ANGEL1: variants seen among roughly 807,000 people sequenced by gnomAD.
ANGEL1 encodes RNA 2',3'-cyclic phosphatase ANGEL1.
ANGEL1 carries 62 observed loss-of-function variants against 76.4 expected under a neutral mutation model. That is an observed-to-expected ratio of 0.81 (90% CI 0.66 to 1.00). The LOEUF is 1.00. Among genes scored for constraint, ANGEL1 ranks in the 50% least tolerant of loss-of-function variants. The pLI is 0.00. For missense variants in ANGEL1, 737 were observed against 836.7 expected, an observed-to-expected ratio of 0.88 and a Z score of 1.47; for synonymous variants, 340 against 331.7, an observed-to-expected ratio of 1.03 and a Z score of -0.27.
At position 76,809,170 on chromosome 14, in the gene ANGEL1, C is replaced by T. The variant is rs202061310; in HGVS notation, c.538G>A (p.Val180Met). 8.7e-6 allele frequency: 14 copies of T among 1,613,962 alleles called. No homozygotes were observed. The highest frequency in any genetic ancestry group is 3.4e-6 in the Non-Finnish European group (4 of 1,179,982). ...ATEQWEEDPA[V>M]LAWSIAPEPV... is the part of the protein sequence containing the mutation. ...TCAGGTGCTATGCTCCAGGCCAACA[C>T]CGCTGGGTCCTCTTCCCACTGCTCT... Residue 180 changes from valine (V) to methionine (M), a missense_variant, in exon 2 of 10, where the codon GTG becomes ATG. Physicochemically the swap from Val to Met is conservative, Grantham distance 21. Transcript: ENST00000251089.
At chr14:76,794,658 G>A (rs1458005473) in intron 7 of ANGEL1, among the ~76,000 whole-genome samples, 3 of 145,536 alleles carry the variant, frequency 2.1e-5, no homozygotes, top group East Asian at 2.0e-4. Context: ...GCAACGGAGC[G>A]AGACTCCATC....
At chr14:76,805,012 AAAATAAAT>A (rs59478597) in intron 5 of ANGEL1, among the ~76,000 whole-genome samples, 422 of 147,038 alleles carry the variant, frequency 2.9e-3, no homozygotes, top group African/African-American at 6.8e-3. Flanking sequence ...TCTGTCTCAA[AAAATAAAT>A]AAATAAATAA....
At chr14:76,797,718 T>C (rs1894624915) in intron 7 of ANGEL1, among the ~76,000 whole-genome samples, 1 of 152,276 alleles carries the variant, frequency 6.6e-6, no homozygotes, top group Non-Finnish European at 1.5e-5. Context: ...GGTCAGTTTG[T>C]TAACTAGGAG....
At chr14:76,805,255 A>C (rs1894884885) in intron 5 of ANGEL1, among the ~76,000 whole-genome samples, 1 of 152,176 alleles carries the variant, frequency 6.6e-6, no homozygotes, top group Admixed American at 6.5e-5. Flanking sequence ...TAATTTGCTC[A>C]AGGTGGCAGA....
rs757276960 is a variant in ANGEL1 at position 76,809,071 on chromosome 14, T to G, written c.637A>C (p.Ile213Leu). 1 of 1,611,460 alleles carries G rather than the reference T, an allele frequency of 6.2e-7. No homozygotes were observed. Among genetic ancestry groups the G allele is most frequent in the Non-Finnish European group, 8.5e-7 (1 of 1,178,370 alleles). Reference sequence around the variant, plus strand: ...TTGTCAGACTCACCATGATATGGTATTTCCACTGCGGGAGGCTGCAACTGC... The same window carrying G: ...TTGTCAGACTCACCATGATATGGTAGTTCCACTGCGGGAGGCTGCAACTGC... ...LGQLQPPAVE[I>L]PYHEILWREW... The change falls in exon 2 of 10, where the codon ATA becomes CTA. Residue 213 changes from isoleucine to leucine, a missense_variant. By Grantham distance (5) the Ile-to-Leu change is conservative (BLOSUM62 2). This residue lies in a region of ANGEL1 where 441 missense variants were observed against 449.5 expected (regional missense o/e 0.98). Coordinates refer to ENST00000251089, the MANE Select transcript of ANGEL1 (RefSeq NM_015305.4).
chr14:76,806,354 G>A lies in ANGEL1; in HGVS notation c.1380+62C>T, dbSNP rs976978423. 5 of 1,529,940 alleles carry A rather than the reference G, an allele frequency of 3.3e-6. No individual in the cohort carries two copies. In the African/African-American group the frequency reaches 5.5e-5, roughly 17 times the overall value. The allele number at this position is 1,529,940 out of a possible 1,614,324, so 94.8% of individuals were successfully genotyped here. On this transcript the variant is annotated intron_variant, in intron 5 of 9. Transcript: ENST00000251089. ...TCCCTGCCACAGAAGAAGCACTGAT[G>A]CTAACGCCTGAATCTCTCTTAGACC...
intron 5 of ANGEL1, chr14:76,804,388 C>T: frequency 9.9e-7 from 1 of 1,012,426 alleles, no homozygotes; most frequent in Non-Finnish European, 1.2e-6. Context: ...ATCTACGTCA[C>T]CATCCTCGGT....
chr14:76,804,141 G>A (rs930469348), intron 5 of ANGEL1: 5 of 1,437,158 alleles, frequency 3.5e-6, no homozygotes, highest in African/African-American at 1.4e-5. Flanking sequence ...GGAGGGGTAA[G>A]AGACTGAATC....
chr14:76,789,203 A>C lies in ANGEL1; in HGVS notation c.*25T>G, dbSNP rs778101748. 5.5e-5 allele frequency: 89 copies of C among 1,612,838 alleles called. No homozygotes were observed. Among genetic ancestry groups the C allele is most frequent in the Non-Finnish European group, 2.6e-5 (31 of 1,179,534 alleles). Reference sequence around the variant, plus strand: ...GATCCAGTGAGCTCTTCTGGAAGAGAAGCTCTCTTCCCCTGGGAGCCCTGT... The same window carrying C: ...GATCCAGTGAGCTCTTCTGGAAGAGCAGCTCTCTTCCCCTGGGAGCCCTGT... On this transcript the variant is annotated 3_prime_UTR_variant, in exon 10 of 10. Transcript: ENST00000251089.
intron 7 of ANGEL1, among the ~76,000 whole-genome samples, chr14:76,801,796 T>C (rs543450073): frequency 6.6e-6 from 1 of 152,354 alleles, no homozygotes; most frequent in African/African-American, 2.4e-5. Context: ...TCTTCTGATG[T>C]CTTGCCACAT....
In ANGEL1 at chr14:76,789,096, A is replaced by T; in HGVS notation, c.*132T>A. The T allele has an allele frequency of 8.1e-7, 1 of 1,236,402 alleles. No individual in the cohort carries two copies. Among genetic ancestry groups the T allele is most frequent in the Non-Finnish European group, 1.1e-6 (1 of 889,006 alleles). The allele number at this position is 1,236,402 out of a possible 1,614,324, so 76.6% of individuals were successfully genotyped here. A position where few individuals can be genotyped will look rare whatever the true frequency, so the allele number is the denominator to read the frequency against. On this transcript the variant is annotated 3_prime_UTR_variant, in exon 10 of 10. Transcript: ENST00000251089. ...TGGAGAAAGTCTAACCGTGGGAAAA[A>T]GGGAACGAGGAGGGGGAAGGGAGGG...
chr14:76,808,188 G>A (rs774062321), intron 2 of ANGEL1, 40 bp from the exon 3 acceptor site: 46 of 1,565,064 alleles, frequency 2.9e-5, no homozygotes, highest in Non-Finnish European at 3.8e-5. Context: ...GCAAGTATGA[G>A]TAATGCAGAG....
rs1466398495 is a variant in ANGEL1, at chr14:76,809,385, C to T, written c.323G>A (p.Arg108Lys). Residue 108 changes from arginine (R) to lysine (K), a missense_variant, in exon 2 of 10, where the codon AGG becomes AAG. Physicochemically the swap from Arg to Lys is conservative, Grantham distance 26. This residue lies in a region of ANGEL1 where 441 missense variants were observed against 449.5 expected (regional missense o/e 0.98). Transcript: ENST00000251089. ...GTCACTCAGCTGCCTGCTGGACCAC[C>T]TGTCCTCTGAAGCAGCATTCTCTTC... Reference protein sequence around the residue: ...PGEENAASEDRWSSRQLSDLR... With the variant: ...PGEENAASEDKWSSRQLSDLR... 1.9e-6 allele frequency: 3 copies of T among 1,614,166 alleles called. No homozygotes were observed. Among genetic ancestry groups the T allele is most frequent in the Non-Finnish European group, 2.5e-6 (3 of 1,180,062 alleles).
chr14:76,798,872 C>A (rs554535596), intron 7 of ANGEL1, among the ~76,000 whole-genome samples: 62 of 144,882 alleles, frequency 4.3e-4, no homozygotes, highest in Admixed American at 1.1e-3. Flanking sequence ...TGCCTGAACC[C>A]GGGGGCAAAG....
intron 1 of ANGEL1, chr14:76,812,468 G>C: frequency 8.4e-7 from 1 of 1,197,572 alleles, no homozygotes; most frequent in Non-Finnish European, 1.0e-6. Context: ...GCACCCCCAG[G>C]GCCAGGAAAG....
Position 76,789,320 on chromosome 14 carries a change from G to A in ANGEL1, c.1921C>T (p.Leu641Phe). ...GRLSLLSEEI[L>F]WAANGLPNPF... ...TTGGGTAAGCCATTGGCAGCCCAGA[G>A]TATCTCTTCAGAGAGAAGGGAGAGA... is the stretch of plus-strand genomic sequence containing the variant. The change falls in exon 10 of 10, where the codon CTC becomes TTC. Residue 641 changes from leucine to phenylalanine, a missense_variant. Physicochemically the swap from Leu to Phe is conservative, Grantham distance 22. Transcript: ENST00000251089. 2 of 1,614,250 alleles carry A rather than the reference G, an allele frequency of 1.2e-6. No individual in the cohort carries two copies. Among genetic ancestry groups the A allele is most frequent in the South Asian group, 1.1e-5 (1 of 91,084 alleles).
intron 7 of ANGEL1, among the ~76,000 whole-genome samples, chr14:76,797,553 T>A (rs1318673232): frequency 6.6e-6 from 1 of 152,012 alleles, no homozygotes; most frequent in East Asian, 1.9e-4. Flanking sequence ...TGAGCTGAGA[T>A]CGCGCCAATG....
At chr14:76,789,825 G>A (rs567987154) in intron 9 of ANGEL1, among the ~76,000 whole-genome samples, 46 of 148,852 alleles carry the variant, frequency 3.1e-4, no homozygotes, top group African/African-American at 1.1e-3. Flanking sequence ...CTCCTGAGTA[G>A]CTGGGATTAT....
At chr14:76,812,594 T>G in intron 1 of ANGEL1, 170 bp downstream of exon 1, 1 of 1,292,432 alleles carries the variant, frequency 7.7e-7, no homozygotes, top group Non-Finnish European at 9.8e-7. Flanking sequence ...CCTCGTGGGG[T>G]CAGGAGGGGC....
Sources: allele counts gnomAD v4.1 joint callset (sites outside exome capture counted in the v4.1 genomes callset), GRCh38; gene constraint gnomAD v4.1.1; regional missense constraint gnomAD v4.1.1; transcripts MANE v1.5; gene names NCBI Gene and HGNC (gene_info 2026-07-23, HGNC 2026-07-21).